The following MAP4 variants were observed in gnomAD, a reference collection of about 807,000 sequenced individuals.
MAP4 encodes microtubule-associated protein 4.
In MAP4, 76 loss-of-function variants were observed where a neutral mutation model predicts 170.2. That is an observed-to-expected ratio of 0.45 (90% CI 0.37 to 0.54). The LOEUF (loss-of-function observed/expected upper bound fraction) is 0.54. Among genes scored for constraint, MAP4 ranks in the 20% least tolerant of loss-of-function variants. MAP4 has a pLI of 0.00. For missense variants in MAP4, 2,506 were observed against 2,748.0 expected (o/e 0.91, Z 1.97); for synonymous variants, 909 against 994.5 (o/e 0.91, Z 1.62).
chr3:48,074,979 G>A (rs1462036401), intron 1 of MAP4, among the ~76,000 whole-genome samples: 1 of 151,982 alleles, frequency 6.6e-6, no homozygotes, highest in Non-Finnish European at 1.5e-5. Context: ...AATTCCAACT[G>A]CCTTTTCTGC....
chr3:47,864,906 C>T (rs563922450), intron 17 of MAP4, among the ~76,000 whole-genome samples: 1 of 152,076 alleles, frequency 6.6e-6, no homozygotes, highest in African/African-American at 2.4e-5. Flanking sequence ...AGCTGGGGGG[C>T]TCATCATTTT....
At chr3:48,044,859 G>A (rs1315088171) in intron 1 of MAP4, among the ~76,000 whole-genome samples, 1 of 152,070 alleles carries the variant, frequency 6.6e-6, no homozygotes, top group Non-Finnish European at 1.5e-5. Context: ...TGAGGCAGGA[G>A]AATTGCTTGA....
chr3:47,860,367 A>AT (rs995469948), intron 17 of MAP4, among the ~76,000 whole-genome samples: 2 of 152,146 alleles, frequency 1.3e-5, no homozygotes, highest in African/African-American at 4.8e-5. Context: ...TAATTTTTGC[A>AT]TTTTTTTGTA....
chr3:48,041,690 T>A (rs1048708951), intron 1 of MAP4, among the ~76,000 whole-genome samples: 1 of 152,136 alleles, frequency 6.6e-6, no homozygotes, highest in African/African-American at 2.4e-5. Context: ...GTCTGGGTGA[T>A]GCGGTGCGAC....
chr3:48,088,621 GC>G (rs1010913896), intron 1 of MAP4, among the ~76,000 whole-genome samples: 4 of 151,708 alleles, frequency 2.6e-5, no homozygotes, highest in Admixed American at 1.3e-4. Context: ...TCCCTCGGAC[GC>G]CCCCGCGTCT....
chr3:47,960,427 C>A, intron 3 of MAP4: 1 of 217,566 alleles, frequency 4.6e-6, no homozygotes, highest in South Asian at 8.9e-5. Context: ...CAAAAAGTAC[C>A]TTACTGAAAC....
chr3:47,873,199 C>T (rs2094062275), intron 12 of MAP4, among the ~76,000 whole-genome samples: 1 of 152,218 alleles, frequency 6.6e-6, no homozygotes, highest in Admixed American at 6.5e-5. Flanking sequence ...CAGCTACAGT[C>T]TGAAAGCAAA....
At chr3:48,048,899 G>T (rs1479776342) in intron 1 of MAP4, among the ~76,000 whole-genome samples, 1 of 151,986 alleles carries the variant, frequency 6.6e-6, no homozygotes, top group Non-Finnish European at 1.5e-5. Context: ...GAACTGTTCT[G>T]CTACCTCTCT....
chr3:48,030,530 G>A (rs2100115508), intron 1 of MAP4, among the ~76,000 whole-genome samples: 1 of 151,262 alleles, frequency 6.6e-6, no homozygotes, highest in Admixed American at 6.6e-5. Flanking sequence ...CGGACGAGGT[G>A]GCTCAGGCCT....
chr3:48,079,600 A>G (rs1261023548), intron 1 of MAP4, among the ~76,000 whole-genome samples: 2 of 151,118 alleles, frequency 1.3e-5, no homozygotes, highest in Non-Finnish European at 2.9e-5. Context: ...GGTTGCAGTG[A>G]GCCGAGATCA....
At position 47,871,958 on chromosome 3, in the gene MAP4, C is replaced by T. The variant is rs765628005; in HGVS notation, c.5900G>A (p.Ser1967Asn). The T allele has an allele frequency of 6.8e-6, 11 of 1,613,918 alleles. No individual in the cohort carries two copies. In the South Asian group the frequency reaches 1.2e-4, roughly 18 times the overall value. ...CAGGAGCGTGGAGGGGCTCCTACTGCTTGGGCCAGTTGAGGCAACAGCAGC... is the reference window on the plus strand; with the variant it reads ...CAGGAGCGTGGAGGGGCTCCTACTGTTTGGGCCAGTTGAGGCAACAGCAGC... The part of the protein sequence containing the change: ...TAAAVASTGP[S>N]SRSPSTLLPK... Residue 1967 changes from serine (S) to asparagine (N), a missense_variant, in exon 13 of 21, where the codon AGC becomes AAC. This residue lies in a region of MAP4 where 487 missense variants were observed against 511.6 expected (regional missense o/e 0.95). Coordinates refer to ENST00000683076, the MANE Select transcript of MAP4 (RefSeq NM_001385682.1).
chr3:48,086,235 A>G (rs2100148954), intron 1 of MAP4, among the ~76,000 whole-genome samples: 1 of 152,076 alleles, frequency 6.6e-6, no homozygotes, highest in Non-Finnish European at 1.5e-5. Context: ...AGGCAGGAGA[A>G]TCACTTGAAC....
intron 3 of MAP4, among the ~76,000 whole-genome samples, chr3:47,959,761 A>G (rs1305433490): frequency 6.6e-6 from 1 of 151,122 alleles, no homozygotes; most frequent in Non-Finnish European, 1.5e-5. Flanking sequence ...TCCATCTCAA[A>G]AAAAAAAAAA....
intron 2 of MAP4, among the ~76,000 whole-genome samples, chr3:47,984,164 AT>A (rs567164172): frequency 8.8e-5 from 13 of 147,912 alleles, no homozygotes; most frequent in East Asian, 8.0e-4. Context: ...TTAATTTTTT[AT>A]TTTTTTTTTC....
chr3:48,039,761 G>A (rs1255309729), intron 1 of MAP4, among the ~76,000 whole-genome samples: 4 of 152,176 alleles, frequency 2.6e-5, no homozygotes, highest in African/African-American at 9.7e-5. Flanking sequence ...AATCTCAAAA[G>A]TCATAGCTTG....
At chr3:48,018,250 G>T (rs2100108799), upstream of MAP4, among the ~76,000 whole-genome samples, 1 of 152,106 alleles carries the variant, frequency 6.6e-6, no homozygotes, top group African/African-American at 2.4e-5. Context: ...TAAACTGCTG[G>T]GTCCCAGAAG....
chr3:48,067,119 C>A (rs545322170), intron 1 of MAP4, among the ~76,000 whole-genome samples: 1 of 151,970 alleles, frequency 6.6e-6, no homozygotes, highest in Admixed American at 6.6e-5. Context: ...AGATCACAAG[C>A]GTGAGCCACC....
intron 6 of MAP4, 24 bp from the exon 7 acceptor site, chr3:47,917,198 T>A (rs763385753): frequency 2.3e-5 from 37 of 1,593,636 alleles, no homozygotes; most frequent in Non-Finnish European, 3.2e-5. Flanking sequence ...TTAGGACACA[T>A]CATTGTCTAC....
chr3:47,979,173 T>C (rs964275765), intron 2 of MAP4, among the ~76,000 whole-genome samples: 5 of 152,002 alleles, frequency 3.3e-5, no homozygotes, highest in African/African-American at 1.2e-4. Context: ...GGTGTAATGA[T>C]GTGGGTCTAA....
Sources: gnomAD v4.1 joint callset for allele counts (sites outside exome capture counted in the v4.1 genomes callset) on GRCh38, gnomAD v4.1.1 for gene constraint, gnomAD v4.1.1 regional missense constraint, MANE v1.5 for transcripts, NCBI Gene and HGNC (gene_info 2026-07-23, HGNC 2026-07-21) for gene names.